The following MACROD2 variants were observed in gnomAD, a reference collection of about 807,000 sequenced individuals.
The protein encoded by MACROD2 is ADP-ribose glycohydrolase MACROD2.
In MACROD2, 36 loss-of-function variants were observed where a neutral mutation model predicts 70.4. The observed-to-expected ratio is 0.51, with a 90% CI of 0.39 to 0.68. MACROD2 has a LOEUF of 0.68. Ranked by LOEUF, MACROD2 falls within the 30% of genes least tolerant of loss-of-function variation. The pLI is 0.00. For missense variants in MACROD2, 496 were observed against 538.4 expected, an observed-to-expected ratio of 0.92 and a Z score of 0.78; for synonymous variants, 172 against 178.8, an observed-to-expected ratio of 0.96 and a Z score of 0.30.
chr20:15,434,618 T>C (rs1171339757), intron 7 of MACROD2, among the ~76,000 whole-genome samples: 1 of 152,146 alleles, frequency 6.6e-6, no homozygotes, highest in African/African-American at 2.4e-5. Flanking sequence ...TGGAGATTCC[T>C]TAAAGAGCTC....
chr20:16,039,506 C>T (rs2067279296), intron 15 of MACROD2, among the ~76,000 whole-genome samples: 1 of 151,804 alleles, frequency 6.6e-6, no homozygotes, highest in Non-Finnish European at 1.5e-5. Flanking sequence ...CAATTTGTAG[C>T]TTTTTAAACA....
Position 15,096,116 on chromosome 20 carries a change from T to G in MACROD2, c.419-133824T>G, listed in dbSNP as rs1020399499. Among the ~76,000 whole-genome samples the G allele has an allele frequency of 6.6e-5, 10 of 152,180 alleles. 1 individual carries two copies. The East Asian group carries it at 1.9e-3, about 29-fold the overall frequency. On this transcript the variant is annotated intron_variant, in intron 5 of 17. Coordinates refer to ENST00000684519, the MANE Select transcript of MACROD2 (RefSeq NM_001351661.2). ...GTAGAACCGTGAAGGTAGATACAAT[T>G]AAAGTTCTGAGAAATGAAAAGACAC...
At chr20:14,935,482 C>CT (rs1454521856) in intron 5 of MACROD2, 1 of 152,078 alleles carries the variant, frequency 6.6e-6, no homozygotes, top group Non-Finnish European at 1.5e-5. Flanking sequence ...CCAGGCAACC[C>CT]TAATGTAGCC....
rs903493559 is a variant in MACROD2 at position 13,998,961 on chromosome 20, A to C, written c.46+3152A>C. On this transcript the variant is annotated intron_variant, in intron 1 of 17. Transcript: ENST00000684519. ...CAGAGCAAGACTCCGTCTCAAAAAA[A>C]AAAAAAAAAAAATTCACAGAGAAAA... Among the ~76,000 whole-genome samples, 12 of 152,052 alleles carry C rather than the reference A, an allele frequency of 7.9e-5. 1 individual carries two copies. The South Asian group carries it at 1.7e-3, about 21-fold the overall frequency.
chr20:14,112,852 T>C (rs1265552990), intron 3 of MACROD2, among the ~76,000 whole-genome samples: 2 of 151,964 alleles, frequency 1.3e-5, no homozygotes, highest in African/African-American at 2.4e-5. Context: ...CAGTAGATAA[T>C]AGACATCCTC....
intron 7 of MACROD2, among the ~76,000 whole-genome samples, chr20:15,465,223 A>G (rs62193889): frequency 0.046 from 7,013 of 152,330 alleles, 185 homozygotes; most frequent in South Asian, 0.066. Context: ...GCCTACTTTC[A>G]TGGGATATTT....
chr20:15,089,378 C>T (rs1205701987), intron 5 of MACROD2, among the ~76,000 whole-genome samples: 1 of 151,996 alleles, frequency 6.6e-6, no homozygotes, highest in Non-Finnish European at 1.5e-5. Flanking sequence ...GGAAAATGAG[C>T]AATTGATGGT....
intron 8 of MACROD2, among the ~76,000 whole-genome samples, chr20:15,606,414 T>C (rs1436831600): frequency 6.6e-6 from 1 of 152,122 alleles, no homozygotes; most frequent in East Asian, 1.9e-4. Flanking sequence ...AGTTGATTAG[T>C]TGGCGTTCAT....
chr20:15,492,245 A>T (rs934298561), intron 7 of MACROD2, among the ~76,000 whole-genome samples: 3 of 151,890 alleles, frequency 2.0e-5, no homozygotes, highest in Admixed American at 6.6e-5. Context: ...GCACTATCAG[A>T]ATTGCTTTTA....
rs545832845 is a variant in MACROD2, at chr20:14,813,983, A to T, written c.418+129024A>T. On this transcript the variant is annotated intron_variant, in intron 5 of 17. Coordinates refer to ENST00000684519, the MANE Select transcript of MACROD2 (RefSeq NM_001351661.2). ...CTATCTCATTAACCAGCAACCAGCT[A>T]TCTCATTAACATACAAAATACACTC... 8.5e-5 allele frequency among the ~76,000 whole-genome samples: 13 copies of T among 152,174 alleles called. No homozygotes were observed. In the South Asian group the frequency reaches 2.7e-3, roughly 32 times the overall value.
chr20:15,616,246 G>A (rs1335284753), intron 8 of MACROD2, among the ~76,000 whole-genome samples: 2 of 151,918 alleles, frequency 1.3e-5, no homozygotes, highest in Non-Finnish European at 2.9e-5. Context: ...TGGGATTACA[G>A]GTGTATGCCA....
At position 14,486,513 on chromosome 20, in the gene MACROD2, C is replaced by CTTTTTTTTTT. The variant is rs71335969; in HGVS notation, c.272-6961_272-6960insTTTTTTTTTT. Among the ~76,000 whole-genome samples the CTTTTTTTTTT allele has an allele frequency of 8.2e-5, 8 of 97,076 alleles. 2 individuals carry two copies. The highest frequency in any genetic ancestry group is 9.5e-5 in the Non-Finnish European group (5 of 52,608). The allele number at this position is 97,076 out of a possible 152,430, so 63.7% of individuals were successfully genotyped here. On this transcript the variant is annotated intron_variant, in intron 3 of 17. Transcript: ENST00000684519. ...GAGCTATCTGGCATAAAATAGCCAA[C>CTTTTTTTTTT]TTTTTATTTTATTTTTTTTTTTTGA...
intron 15 of MACROD2, among the ~76,000 whole-genome samples, chr20:16,019,139 A>G (rs1412154961): frequency 1.3e-5 from 2 of 152,260 alleles, no homozygotes; most frequent in Non-Finnish European, 1.5e-5. Context: ...GACTAGATGG[A>G]TAAACATTGA....
At chr20:14,395,096 T>C (rs919596266) in intron 3 of MACROD2, among the ~76,000 whole-genome samples, 13 of 152,110 alleles carry the variant, frequency 8.5e-5, no homozygotes, top group Non-Finnish European at 1.8e-4. Context: ...GTTGATCTCA[T>C]AGGATACGTC....
intron 4 of MACROD2, among the ~76,000 whole-genome samples, chr20:14,666,441 C>T (rs997740183): frequency 3.3e-5 from 5 of 151,988 alleles, no homozygotes; most frequent in East Asian, 3.9e-4. Flanking sequence ...GATTTCTGTG[C>T]GACAGAGCTC....
In MACROD2 at chr20:15,140,664, T is replaced by C. The variant is rs565351542; in HGVS notation, c.419-89276T>C. Among the ~76,000 whole-genome samples, 5 of 152,194 alleles carry C rather than the reference T, an allele frequency of 3.3e-5. No homozygotes were observed. The East Asian group carries it at 9.7e-4, about 29-fold the overall frequency. ...TTCAGAAGTGAGGCTGGGCTGGCAA[T>C]AGCTGGCTGGAACATGGTCTGGGAA... On this transcript the variant is annotated intron_variant, in intron 5 of 17. Coordinates refer to ENST00000684519, the MANE Select transcript of MACROD2 (RefSeq NM_001351661.2).
chr20:14,908,194 A>G (rs2073982752), intron 5 of MACROD2, among the ~76,000 whole-genome samples: 1 of 152,110 alleles, frequency 6.6e-6, no homozygotes, highest in South Asian at 2.1e-4. Flanking sequence ...CAATACAAAA[A>G]TTAGCTGGGC....
intron 3 of MACROD2, among the ~76,000 whole-genome samples, chr20:14,286,609 T>C (rs76981791): frequency 0.015 from 2,288 of 152,196 alleles, 24 homozygotes; most frequent in African/African-American, 0.027. Flanking sequence ...CTTCATAGAG[T>C]AGATTTTGTT....
chr20:14,044,093 T>C (rs902734003), intron 2 of MACROD2, among the ~76,000 whole-genome samples: 10 of 151,208 alleles, frequency 6.6e-5, no homozygotes, highest in Middle Eastern at 6.4e-3. Flanking sequence ...AGTGTTACAG[T>C]TCTTAAAGGC....
Sources: gnomAD v4.1 joint callset for allele counts (sites outside exome capture counted in the v4.1 genomes callset) on GRCh38, gnomAD v4.1.1 for gene constraint, MANE v1.5 for transcripts, NCBI Gene and HGNC (gene_info 2026-07-23, HGNC 2026-07-21) for gene names.